ARID4B: variants seen among roughly 807,000 people sequenced by gnomAD.
The protein encoded by ARID4B is AT-rich interactive domain-containing protein 4B.
Under a neutral mutation model 147.5 loss-of-function variants are expected in ARID4B, and 26 were observed. The ratio of observed to expected loss-of-function variants is 0.18; its 90% confidence interval spans 0.13 to 0.24. The LOEUF (loss-of-function observed/expected upper bound fraction) is 0.24. Among genes scored for constraint, ARID4B ranks in the 10% least tolerant of loss-of-function variants. The pLI, the probability that ARID4B is intolerant of heterozygous loss-of-function variation, is 1.00. For synonymous variants in ARID4B, 512 were observed against 507.9 expected, an observed-to-expected ratio of 1.01 and a Z score of -0.11; for missense variants, 1,179 against 1,511.5, an observed-to-expected ratio of 0.78 and a Z score of 3.65.
intron 2 of ARID4B, among the ~76,000 whole-genome samples, chr1:235,316,806 A>G (rs1290692202): frequency 6.6e-6 from 1 of 152,192 alleles, no homozygotes; most frequent in Non-Finnish European, 1.5e-5. Flanking sequence ...GTGACAGAGC[A>G]AGATTCTGTC....
chr1:235,257,075 T>A (rs1670031342), intron 4 of ARID4B, 85 bp downstream of exon 4: 1 of 929,222 alleles, frequency 1.1e-6, no homozygotes. Flanking sequence ...ATCAACTCAA[T>A]AACAAAAGAG....
intron 2 of ARID4B, among the ~76,000 whole-genome samples, chr1:235,326,525 A>G (rs941093820): frequency 3.9e-5 from 6 of 152,254 alleles, no homozygotes; most frequent in African/African-American, 1.4e-4. Context: ...ATTTTACAGT[A>G]CTGTTCACAC....
chr1:235,206,748 A>G (rs1023714766), intron 17 of ARID4B, among the ~76,000 whole-genome samples: 1 of 152,218 alleles, frequency 6.6e-6, no homozygotes, highest in African/African-American at 2.4e-5. Context: ...AAGGGTCACT[A>G]GTGTTCCTGG....
At chr1:235,279,416 T>C (rs1174659045) in intron 2 of ARID4B, among the ~76,000 whole-genome samples, 1 of 152,046 alleles carries the variant, frequency 6.6e-6, no homozygotes, top group Non-Finnish European at 1.5e-5. Flanking sequence ...ATCAGGATAG[T>C]GATAATGAAA....
chr1:235,179,623 CA>C (rs1379708676), intron 20 of ARID4B, among the ~76,000 whole-genome samples: 4 of 149,446 alleles, frequency 2.7e-5, no homozygotes, highest in African/African-American at 9.8e-5. Context: ...GAGTAGCTTT[CA>C]AATTCCACAA....
intron 2 of ARID4B, among the ~76,000 whole-genome samples, chr1:235,301,011 A>G (rs1673090022): frequency 6.7e-6 from 1 of 149,898 alleles, no homozygotes; most frequent in Admixed American, 6.6e-5. Context: ...CACTACGCCC[A>G]GCCAACAATA....
intron 2 of ARID4B, among the ~76,000 whole-genome samples, chr1:235,322,004 A>G (rs1674871497): frequency 6.6e-6 from 1 of 151,644 alleles, no homozygotes; most frequent in Non-Finnish European, 1.5e-5. Flanking sequence ...AACAACTTTC[A>G]ATGGTTCCAT....
intron 2 of ARID4B, among the ~76,000 whole-genome samples, chr1:235,319,599 A>T (rs999029210): frequency 1.3e-5 from 2 of 152,198 alleles, no homozygotes; most frequent in African/African-American, 2.4e-5. Context: ...AGGATTGCTC[A>T]ACTCAATGTT....
chr1:235,260,847 A>G lies in ARID4B; in HGVS notation c.7-95T>C, dbSNP rs1430345214. The G allele has an allele frequency of 8.9e-6, 7 of 784,556 alleles. No individual in the cohort carries two copies. The African/African-American group carries it at 1.1e-4, about 12-fold the overall frequency. 48.6% of individuals were successfully genotyped at this position (784,556 alleles called of 1,614,324 possible). A position where few individuals can be genotyped will look rare whatever the true frequency, so the allele number is the denominator to read the frequency against. ...GTGAGCCTAATCTTGTTAAGCTACAACAGTTATAAATATGAAATGTATGTT... is the reference window on the plus strand; with the variant it reads ...GTGAGCCTAATCTTGTTAAGCTACAGCAGTTATAAATATGAAATGTATGTT... On this transcript the variant is annotated intron_variant, in intron 2 of 23. Coordinates refer to ENST00000264183, the MANE Select transcript of ARID4B (RefSeq NM_016374.6).
chr1:235,258,416 T>A (rs1670113188), intron 3 of ARID4B, among the ~76,000 whole-genome samples: 1 of 152,158 alleles, frequency 6.6e-6, no homozygotes, highest in Non-Finnish European at 1.5e-5. Flanking sequence ...GAGCTGATAT[T>A]TAAATGTAGG....
At chr1:235,194,265 C>A in intron 18 of ARID4B, 54 bp from the exon 19 acceptor site, 1 of 1,287,112 alleles carries the variant, frequency 7.8e-7, no homozygotes, top group Non-Finnish European at 1.1e-6. Flanking sequence ...TTATCAGAAA[C>A]AATGTTAATG....
At chr1:235,309,480 T>C (rs1673876495) in intron 2 of ARID4B, among the ~76,000 whole-genome samples, 1 of 143,788 alleles carries the variant, frequency 7.0e-6, no homozygotes. Flanking sequence ...GGGGCGCCTC[T>C]GCCCGGCCGC....
chr1:235,292,003 A>G (rs1672370071), intron 2 of ARID4B, among the ~76,000 whole-genome samples: 1 of 152,358 alleles, frequency 6.6e-6, no homozygotes, highest in East Asian at 1.9e-4. Flanking sequence ...GTAGGATGAA[A>G]GGGTTTTTAC....
At chr1:235,188,587 C>T (rs112096299) in intron 19 of ARID4B, among the ~76,000 whole-genome samples, 243 of 152,232 alleles carry the variant, frequency 1.6e-3, no homozygotes, top group African/African-American at 5.6e-3. Context: ...GGTACAGATG[C>T]GATGCTGAAA....
At chr1:235,304,738 T>C (rs2103257863) in intron 2 of ARID4B, among the ~76,000 whole-genome samples, 1 of 152,332 alleles carries the variant, frequency 6.6e-6, no homozygotes, top group East Asian at 1.9e-4. Flanking sequence ...CCTTGGAGAC[T>C]ACCCATCACC....
chr1:235,185,076 C>G (rs1371183484), intron 19 of ARID4B, among the ~76,000 whole-genome samples: 1 of 152,156 alleles, frequency 6.6e-6, no homozygotes, highest in African/African-American at 2.4e-5. Flanking sequence ...CTCAGCCTCC[C>G]AAAGCACTGG....
intron 6 of ARID4B, among the ~76,000 whole-genome samples, chr1:235,247,440 T>G (rs1166398749): frequency 6.6e-6 from 1 of 152,216 alleles, no homozygotes; most frequent in Non-Finnish European, 1.5e-5. Context: ...TGAACCATAT[T>G]AACACTTTTT....
chr1:235,170,280 G>A (rs567708474), intron 23 of ARID4B, among the ~76,000 whole-genome samples: 1 of 152,306 alleles, frequency 6.6e-6, no homozygotes, highest in African/African-American at 2.4e-5. Context: ...TACCATGGCA[G>A]AGATAAGTAG....
At chr1:235,194,506 A>G (rs1239256922) in intron 18 of ARID4B, among the ~76,000 whole-genome samples, 1 of 152,170 alleles carries the variant, frequency 6.6e-6, no homozygotes, top group East Asian at 1.9e-4. Context: ...TAAAATCACA[A>G]TACGTTTAAA....
Sources: gnomAD v4.1 joint callset for allele counts (sites outside exome capture counted in the v4.1 genomes callset) on GRCh38, gnomAD v4.1.1 for gene constraint, MANE v1.5 for transcripts, NCBI Gene and HGNC (gene_info 2026-07-23, HGNC 2026-07-21) for gene names.